The following AKAP11 variants were observed in gnomAD, a reference collection of about 807,000 sequenced individuals.
AKAP11 encodes the protein A-kinase anchor protein 11.
AKAP11 carries 36 observed loss-of-function variants against 146.1 expected under a neutral mutation model. The observed-to-expected ratio is 0.25, with a 90% CI of 0.19 to 0.33. The LOEUF (loss-of-function observed/expected upper bound fraction) is 0.33. AKAP11 is among the 10% of genes least tolerant of loss of function. The pLI, the probability that AKAP11 is intolerant of heterozygous loss-of-function variation, is 1.00. For missense variants in AKAP11, 2,201 were observed against 2,197.0 expected (o/e 1.00, Z -0.04); for synonymous variants, 780 against 786.5 (o/e 0.99, Z 0.14).
At position 42,300,979 on chromosome 13, in the gene AKAP11, T is replaced by C; in HGVS notation, c.2233T>C (p.Ser745Pro). 1 of 1,614,106 alleles carries C rather than the reference T, an allele frequency of 6.2e-7. No homozygotes were observed. Reference sequence around the variant, plus strand: ...GACACAGGCTGTCACGTTTTCCCCTTCTTTTCACAATCAAGCAATTATGGT... The same window carrying C: ...GACACAGGCTGTCACGTTTTCCCCTCCTTTTCACAATCAAGCAATTATGGT... ...PSTQAVTFSP[S>P]FHNQAIMVTK... Residue 745 changes from serine (S) to proline (P), a missense_variant, in exon 8 of 13, where the codon TCT (serine) becomes CCT (proline). Physicochemically the swap from Ser to Pro is moderately conservative, Grantham distance 74 (BLOSUM62 -1). This residue lies in a region of AKAP11 where 1,867 missense variants were observed against 1,833.5 expected (regional missense o/e 1.02). Coordinates refer to ENST00000025301, the MANE Select transcript of AKAP11 (RefSeq NM_016248.4).
chr13:42,308,619 C>T lies in AKAP11; in HGVS notation c.5273+10C>T, dbSNP rs1400373773. 2 of 1,608,566 alleles carry T rather than the reference C, an allele frequency of 1.2e-6. No homozygotes were observed. The highest frequency in any genetic ancestry group is 1.7e-6 in the Non-Finnish European group (2 of 1,176,694). On this transcript the variant is annotated intron_variant, in intron 9 of 12. Transcript: ENST00000025301. ...ATCATCTAAGTGAAAGGTAACTACA[C>T]TTTTGCATATAATTGTGTAGTTTAG...
chr13:42,318,892 TA>T (rs1332594325), intron 12 of AKAP11, among the ~76,000 whole-genome samples, 195 bp from the exon 13 acceptor site: 1 of 152,126 alleles, frequency 6.6e-6, no homozygotes, highest in African/African-American at 2.4e-5. Context: ...GATGTGTTTA[TA>T]AAGGGGAAGA....
At position 42,301,411 on chromosome 13, in the gene AKAP11, G is replaced by C; in HGVS notation, c.2665G>C (p.Glu889Gln). The C allele has an allele frequency of 1.2e-6, 2 of 1,613,586 alleles. No homozygotes were observed. The highest frequency in any genetic ancestry group is 1.7e-6 in the Non-Finnish European group (2 of 1,179,878). Residue 889 changes from glutamate (E) to glutamine (Q), a missense_variant, in exon 8 of 13, where the codon GAG becomes CAG. Physicochemically the swap from Glu to Gln is conservative, Grantham distance 29. Coordinates refer to ENST00000025301, the MANE Select transcript of AKAP11 (RefSeq NM_016248.4). The stretch of plus-strand genomic sequence containing the variant: ...GCATACGATAGTAAATGAAACTTTA[G>C]AGTCAATGACATCATTGGAAGTTAC... ...VVHTIVNETL[E>Q]SMTSLEVTKM...
At chr13:42,313,663 G>A (rs575512233) in intron 10 of AKAP11, among the ~76,000 whole-genome samples, 115 of 152,228 alleles carry the variant, frequency 7.6e-4, no homozygotes, top group Non-Finnish European at 1.4e-3. Context: ...ATGTATCATG[G>A]TAAGGTAGGA....
Position 42,320,697 on chromosome 13 carries a change from G to A in AKAP11, c.*1469G>A, listed in dbSNP as rs1020663279. Reference sequence around the variant, plus strand: ...GGGGACTTTGATTTTGCTCCATTACGTTTTCATTTTTTCTGAGCACTGACT... The same window carrying A: ...GGGGACTTTGATTTTGCTCCATTACATTTTCATTTTTTCTGAGCACTGACT... On this transcript the variant is annotated 3_prime_UTR_variant, in exon 13 of 13. Transcript: ENST00000025301. 11 of 152,000 alleles carry A rather than the reference G, an allele frequency of 7.2e-5. No individual in the cohort carries two copies. The highest frequency in any genetic ancestry group is 2.7e-4 in the African/African-American group (11 of 41,300). 9.4% of individuals were successfully genotyped at this position (152,000 alleles called of 1,614,324 possible).
intron 1 of AKAP11, among the ~76,000 whole-genome samples, chr13:42,276,234 GTAT>G (rs1958914372): frequency 6.6e-6 from 1 of 151,792 alleles, no homozygotes; most frequent in African/African-American, 2.4e-5. Flanking sequence ...CTTTTTTTGG[GTAT>G]TATTATTTAT....
In AKAP11 at chr13:42,319,550, G is replaced by A. The variant is rs190072162; in HGVS notation, c.*322G>A. On this transcript the variant is annotated 3_prime_UTR_variant, in exon 13 of 13. Transcript: ENST00000025301. The stretch of plus-strand genomic sequence containing the variant: ...ACCACATTCTTTTTGTATCCAAATA[G>A]TGCTGCTAGAAACTGCACTGAAGTG... 2.0e-4 allele frequency: 40 copies of A among 203,508 alleles called. No individual in the cohort carries two copies. Among genetic ancestry groups the A allele is most frequent in the Non-Finnish European group, 3.5e-4 (36 of 102,570 alleles). 12.6% of individuals were successfully genotyped at this position (203,508 alleles called of 1,614,324 possible).
upstream of AKAP11, among the ~76,000 whole-genome samples, chr13:42,271,709 G>A (rs575035112): frequency 6.6e-6 from 1 of 152,288 alleles, no homozygotes; most frequent in East Asian, 1.9e-4. Context: ...CCAGAGGGAA[G>A]GGTTAAGCCG....
rs1265696836 is a variant in AKAP11, at chr13:42,317,388, T to G, written c.5405-140T>G. On this transcript the variant is annotated intron_variant, in intron 11 of 12. Coordinates refer to ENST00000025301, the MANE Select transcript of AKAP11 (RefSeq NM_016248.4). Reference sequence around the variant, plus strand: ...AGAAGTTTTAGTTGAGGTTATGGTGTGGTTAGAAAAAGATGGATATTTTTT... The same window carrying G: ...AGAAGTTTTAGTTGAGGTTATGGTGGGGTTAGAAAAAGATGGATATTTTTT... The G allele has an allele frequency of 3.1e-5, 26 of 832,748 alleles. No individual in the cohort carries two copies. The Admixed American group carries it at 3.6e-4, about 11-fold the overall frequency. 51.6% of individuals were successfully genotyped at this position (832,748 alleles called of 1,614,324 possible).
intron 1 of AKAP11, among the ~76,000 whole-genome samples, chr13:42,284,538 A>G (rs1959129410): frequency 6.6e-6 from 1 of 152,226 alleles, no homozygotes; most frequent in Non-Finnish European, 1.5e-5. Context: ...TTTGGCCACT[A>G]TACATTTTTA....
intron 1 of AKAP11, among the ~76,000 whole-genome samples, chr13:42,278,324 G>A (rs1049847908): frequency 3.3e-5 from 5 of 152,174 alleles, no homozygotes; most frequent in African/African-American, 9.7e-5. Context: ...GTATCTGATA[G>A]CTGTAGTAGT....
Position 42,300,486 on chromosome 13 carries a change from G to C in AKAP11, c.1740G>C (p.Leu580Phe). 1.2e-6 allele frequency: 2 copies of C among 1,614,050 alleles called. No homozygotes were observed. Among genetic ancestry groups the C allele is most frequent in the South Asian group, 2.2e-5 (2 of 91,076 alleles). The change falls in exon 8 of 13, where the codon TTG becomes TTC. Residue 580 changes from leucine (L) to phenylalanine (F), a missense_variant. By Grantham distance (22) the Leu-to-Phe change is conservative (BLOSUM62 0). This residue lies in a region of AKAP11 where 1,867 missense variants were observed against 1,833.5 expected (regional missense o/e 1.02). Transcript: ENST00000025301. ...QKGVSSCTNA[L>F]YHLAIKLTSS... The stretch of plus-strand genomic sequence containing the variant: ...GAGTCTCTTCATGTACCAATGCTTT[G>C]TACCACTTAGCCATCAAATTGACAT...
Position 42,302,578 on chromosome 13 carries a change from C to T in AKAP11, c.3832C>T (p.Arg1278Ter). ...AGAAGCTGAGAAAATAGCAAAAGTC[C>T]GAAATTGTATGCTTTTCAAGCAAAA... ...ITEAEKIAKV[R>*]NCMLFKQKKN... Residue 1278 changes from arginine (R) to a stop codon, truncating the protein, a stop_gained, in exon 8 of 13, where the codon CGA becomes TGA. Coordinates refer to ENST00000025301, the MANE Select transcript of AKAP11 (RefSeq NM_016248.4). LOFTEE classifies it high-confidence loss of function. The T allele has an allele frequency of 6.2e-7, 1 of 1,613,938 alleles. No individual in the cohort carries two copies.
chr13:42,303,238 GATA>G lies in AKAP11; in HGVS notation c.4495_4497del (p.Asn1499del), dbSNP rs775856983. On this transcript the variant is annotated inframe_deletion, in exon 8 of 13. Coordinates refer to ENST00000025301, the MANE Select transcript of AKAP11 (RefSeq NM_016248.4). ...GTTTGAAAAATCTGGATATGAAGAA[GATA>G]ATGAGTGTCACGTTACACCAGAATT... 4 of 1,613,874 alleles carry G rather than the reference GATA, an allele frequency of 2.5e-6. No individual in the cohort carries two copies. Among genetic ancestry groups the G allele is most frequent in the Non-Finnish European group, 3.4e-6 (4 of 1,180,034 alleles).
chr13:42,309,306 T>C (rs1284114717), intron 9 of AKAP11, among the ~76,000 whole-genome samples: 1 of 152,196 alleles, frequency 6.6e-6, no homozygotes, highest in African/African-American at 2.4e-5. Flanking sequence ...AAACTCTTTA[T>C]CCACATTAAG....
In AKAP11 at chr13:42,302,684, G is replaced by C; in HGVS notation, c.3938G>C (p.Arg1313Thr). The change falls in exon 8 of 13, where the codon AGA becomes ACA. Residue 1313 changes from arginine (R) to threonine (T), a missense_variant. Transcript: ENST00000025301. ...KLDIEAVVHPREVDPFILSLP... is the reference protein window; with the variant it reads ...KLDIEAVVHPTEVDPFILSLP... ...GATATAGAGGCTGTAGTGCACCCAA[G>C]AGAAGTGGATCCGTTTATTCTTTCA... 1 of 1,614,104 alleles carries C rather than the reference G, an allele frequency of 6.2e-7. No individual in the cohort carries two copies. Among genetic ancestry groups the C allele is most frequent in the Non-Finnish European group, 8.5e-7 (1 of 1,180,022 alleles).
intron 5 of AKAP11, 92 bp downstream of exon 5, chr13:42,295,834 C>G (rs956775075): frequency 1.7e-6 from 2 of 1,175,770 alleles, no homozygotes; most frequent in Non-Finnish European, 2.5e-6. Flanking sequence ...GAGAAGGTTG[C>G]AAACCGCAGA....
intron 1 of AKAP11, among the ~76,000 whole-genome samples, chr13:42,283,572 C>G (rs1454295357): frequency 6.6e-6 from 1 of 152,142 alleles, no homozygotes; most frequent in African/African-American, 2.4e-5. Flanking sequence ...GATGTTGTTT[C>G]AGAGCACTCC....
At chr13:42,286,614 A>AT (rs1959168440) in intron 3 of AKAP11, among the ~76,000 whole-genome samples, 1 of 152,050 alleles carries the variant, frequency 6.6e-6, no homozygotes, top group African/African-American at 2.4e-5. Flanking sequence ...CTTTCTCCCC[A>AT]TTTTTTCTCT....
Sources: allele counts gnomAD v4.1 joint callset (sites outside exome capture counted in the v4.1 genomes callset), GRCh38; gene constraint gnomAD v4.1.1; regional missense constraint gnomAD v4.1.1; transcripts MANE v1.5; gene names NCBI Gene and HGNC (gene_info 2026-07-23, HGNC 2026-07-21).